Variants in EBF1 observed in about 807,000 individuals in gnomAD.
EBF1 encodes the protein EBF transcription factor 1.
In EBF1, 10 loss-of-function variants were observed where a neutral mutation model predicts 68.4. The ratio of observed to expected loss-of-function variants is 0.15; its 90% confidence interval spans 0.09 to 0.25. The LOEUF (loss-of-function observed/expected upper bound fraction) is 0.25. Ranked by LOEUF, EBF1 falls within the 10% of genes least tolerant of loss-of-function variation. The pLI, the probability that EBF1 is intolerant of heterozygous loss-of-function variation, is 1.00. For missense variants in EBF1, 509 were observed against 794.4 expected, an observed-to-expected ratio of 0.64 and a Z score of 4.32; for synonymous variants, 298 against 299.8, an observed-to-expected ratio of 0.99 and a Z score of 0.06.
intron 10 of EBF1, among the ~76,000 whole-genome samples, chr5:158,766,113 C>G (rs1772614505): frequency 6.6e-6 from 1 of 152,020 alleles, no homozygotes; most frequent in Non-Finnish European, 1.5e-5. Context: ...TCAGTCAAGA[C>G]AAAAAGGATT....
At chr5:158,732,631 A>G (rs1475964775) in intron 10 of EBF1, among the ~76,000 whole-genome samples, 1 of 152,192 alleles carries the variant, frequency 6.6e-6, no homozygotes, top group East Asian at 1.9e-4. Flanking sequence ...AAATCCATTT[A>G]CAAAAGTACA....
At chr5:158,814,421 C>G (rs796629902) in intron 8 of EBF1, among the ~76,000 whole-genome samples, 3 of 152,162 alleles carry the variant, frequency 2.0e-5, no homozygotes, top group Non-Finnish European at 4.4e-5. Flanking sequence ...TCTTTCCTCC[C>G]CAAATCTCCC....
At chr5:158,954,708 G>GA (rs1816708692) in intron 6 of EBF1, among the ~76,000 whole-genome samples, 1 of 152,176 alleles carries the variant, frequency 6.6e-6, no homozygotes, top group Non-Finnish European at 1.5e-5. Context: ...TCAGATGCCA[G>GA]CCTCACTCTG....
Position 158,696,318 on chromosome 5 carries a change from G to C in EBF1, c.*2793C>G, listed in dbSNP as rs1429963675. 1 of 221,108 alleles carries C rather than the reference G, an allele frequency of 4.5e-6. No homozygotes were observed. The highest frequency in any genetic ancestry group is 9.1e-6 in the Non-Finnish European group (1 of 110,480). The allele number at this position is 221,108 out of a possible 1,614,324, so 13.7% of individuals were successfully genotyped here. On this transcript the variant is annotated 3_prime_UTR_variant, in exon 16 of 16. Transcript: ENST00000313708. ...GAGAAGAAAGAGGATCAGAGGGCCAGAATGTCTTTTCATCTAATCAATAGA... is the reference window on the plus strand; with the variant it reads ...GAGAAGAAAGAGGATCAGAGGGCCACAATGTCTTTTCATCTAATCAATAGA...
chr5:158,953,719 G>C (rs1816504216), intron 6 of EBF1, among the ~76,000 whole-genome samples: 1 of 152,124 alleles, frequency 6.6e-6, no homozygotes, highest in Non-Finnish European at 1.5e-5. Flanking sequence ...TGAGAGATTT[G>C]TAAGGGTAGA....
intron 6 of EBF1, among the ~76,000 whole-genome samples, chr5:159,071,601 G>C (rs1260007181): frequency 6.6e-6 from 1 of 152,148 alleles, no homozygotes. Context: ...GCTGAGTCAA[G>C]TTTCTTATGC....
chr5:158,960,995 C>A (rs1818078390), intron 6 of EBF1, among the ~76,000 whole-genome samples: 1 of 151,852 alleles, frequency 6.6e-6, no homozygotes, highest in African/African-American at 2.4e-5. Flanking sequence ...AAATAAAAGC[C>A]CATAAGGGAA....
intron 6 of EBF1, among the ~76,000 whole-genome samples, chr5:158,988,539 G>C (rs1300573073): frequency 6.6e-6 from 1 of 152,156 alleles, no homozygotes; most frequent in Non-Finnish European, 1.5e-5. Flanking sequence ...AAGTTGTCAA[G>C]AGTCAGTTTC....
chr5:158,798,627 C>T (rs548064661), intron 8 of EBF1, among the ~76,000 whole-genome samples: 2 of 152,192 alleles, frequency 1.3e-5, no homozygotes, highest in East Asian at 3.9e-4. Context: ...ACAGAAGTCA[C>T]GTGGGTGTAC....
At chr5:159,013,999 G>A (rs1341959396) in intron 6 of EBF1, among the ~76,000 whole-genome samples, 1 of 152,184 alleles carries the variant, frequency 6.6e-6, no homozygotes, top group Non-Finnish European at 1.5e-5. Flanking sequence ...TAAAGGGTAA[G>A]TTCCAAATTA....
chr5:158,971,732 G>A (rs1443564692), intron 6 of EBF1, among the ~76,000 whole-genome samples: 1 of 152,068 alleles, frequency 6.6e-6, no homozygotes, highest in African/African-American at 2.4e-5. Context: ...GATTTTTACT[G>A]TGGCCTCTAA....
At chr5:158,730,904 C>CTTTT (rs1763966034) in intron 11 of EBF1, 165 bp downstream of exon 11, 2 of 600,798 alleles carry the variant, frequency 3.3e-6, no homozygotes, top group African/African-American at 1.9e-5. Flanking sequence ...TTGCCTGGCA[C>CTTTT]ATAAGTGCTT....
At chr5:158,705,492 C>T (rs747767401) in intron 15 of EBF1, among the ~76,000 whole-genome samples, 8 of 152,218 alleles carry the variant, frequency 5.3e-5, no homozygotes, top group Non-Finnish European at 1.0e-4. Flanking sequence ...GGCACAGACT[C>T]AGCAGTTATT....
At chr5:158,923,785 T>TG (rs1808978210) in intron 6 of EBF1, among the ~76,000 whole-genome samples, 2 of 152,272 alleles carry the variant, frequency 1.3e-5, no homozygotes, top group East Asian at 3.9e-4. Flanking sequence ...GATCCAAGTC[T>TG]CAATGATTCT....
intron 6 of EBF1, among the ~76,000 whole-genome samples, chr5:158,855,985 T>C (rs1793927098): frequency 6.6e-6 from 1 of 152,014 alleles, no homozygotes; most frequent in Admixed American, 6.5e-5. Flanking sequence ...CCACACAAAG[T>C]GGAGGATATA....
At chr5:158,902,937 G>A (rs1803768722) in intron 6 of EBF1, among the ~76,000 whole-genome samples, 1 of 152,166 alleles carries the variant, frequency 6.6e-6, no homozygotes, top group African/African-American at 2.4e-5. Flanking sequence ...GGACGGCTCT[G>A]GGGAAAGTGG....
intron 7 of EBF1, among the ~76,000 whole-genome samples, chr5:158,827,604 C>T (rs1786466602): frequency 6.6e-6 from 1 of 152,138 alleles, no homozygotes. Flanking sequence ...CTCAGGCAGC[C>T]CCTCTTCCCT....
At chr5:158,788,379 C>A (rs1777886595) in intron 9 of EBF1, among the ~76,000 whole-genome samples, 1 of 152,048 alleles carries the variant, frequency 6.6e-6, no homozygotes. Flanking sequence ...AGAGCAATGG[C>A]ACCAGCAAGA....
At chr5:159,079,787 T>C (rs1032936363) in intron 5 of EBF1, among the ~76,000 whole-genome samples, 3 of 151,908 alleles carry the variant, frequency 2.0e-5, no homozygotes, top group African/African-American at 4.8e-5. Flanking sequence ...CTGATTTTTG[T>C]ATTTTTTGGT....
Sources: allele counts gnomAD v4.1 joint callset (sites outside exome capture counted in the v4.1 genomes callset), GRCh38; gene constraint gnomAD v4.1.1; transcripts MANE v1.5; gene names NCBI Gene and HGNC (gene_info 2026-07-23, HGNC 2026-07-21).